Variants in HS6ST3 observed in about 807,000 individuals in gnomAD.
The protein encoded by HS6ST3 is heparan sulfate 6-O-sulfotransferase 3, also known as heparan-sulfate 6-O-sulfotransferase 3.
In HS6ST3, 12 loss-of-function variants were observed where a neutral mutation model predicts 36.7. The ratio of observed to expected loss-of-function variants is 0.33; its 90% confidence interval spans 0.21 to 0.53. The LOEUF is 0.53. HS6ST3 is among the 20% of genes least tolerant of loss of function. HS6ST3 has a pLI of 0.95. For missense variants in HS6ST3, 584 were observed against 640.9 expected (o/e 0.91, Z 0.96); for synonymous variants, 240 against 257.5 (o/e 0.93, Z 0.65).
chr13:96,153,293 T>C (rs9525135), intron 1 of HS6ST3, among the ~76,000 whole-genome samples: 43,806 of 152,094 alleles, frequency 0.29, 7,290 homozygotes, highest in Non-Finnish European at 0.37. Flanking sequence ...GAGAGTGATG[T>C]AGAGTTCAGA....
chr13:96,151,504 G>A (rs953541862), intron 1 of HS6ST3, among the ~76,000 whole-genome samples: 4 of 152,022 alleles, frequency 2.6e-5, no homozygotes, highest in Non-Finnish European at 5.9e-5. Flanking sequence ...ATGGATATAC[G>A]CACAGTGTCA....
chr13:96,406,006 A>G (rs1231771690), intron 1 of HS6ST3, among the ~76,000 whole-genome samples: 3 of 152,192 alleles, frequency 2.0e-5, no homozygotes, highest in African/African-American at 7.2e-5. Flanking sequence ...AATGCTTTTT[A>G]TTCTAATTCA....
chr13:96,160,655 A>G (rs1034303956), intron 1 of HS6ST3, among the ~76,000 whole-genome samples: 1 of 152,348 alleles, frequency 6.6e-6, no homozygotes. Context: ...AAATGAGAAT[A>G]ACAACAGCTT....
At chr13:96,566,239 T>C (rs562180191) in intron 1 of HS6ST3, among the ~76,000 whole-genome samples, 4 of 152,180 alleles carry the variant, frequency 2.6e-5, no homozygotes, top group South Asian at 2.1e-4. Context: ...ATTCGGTTGA[T>C]AGAAGTTGCA....
chr13:96,144,392 G>A (rs684902), intron 1 of HS6ST3, among the ~76,000 whole-genome samples: 125,044 of 151,994 alleles, frequency 0.82, 51,773 homozygotes, highest in East Asian at 0.91. Context: ...ATTCTATGAA[G>A]TTAGTATCCC....
At chr13:96,527,100 G>GT (rs960945757) in intron 1 of HS6ST3, among the ~76,000 whole-genome samples, 3 of 148,094 alleles carry the variant, frequency 2.0e-5, no homozygotes, top group South Asian at 2.1e-4. Context: ...TTTTTTTATT[G>GT]TTTTTTTAGA....
chr13:96,626,505 T>G (rs1426681163), intron 1 of HS6ST3, among the ~76,000 whole-genome samples: 1 of 152,216 alleles, frequency 6.6e-6, no homozygotes, highest in Non-Finnish European at 1.5e-5. Context: ...ACTGTCTTCT[T>G]ATATAACACA....
At chr13:96,345,590 A>G (rs1407653843) in intron 1 of HS6ST3, among the ~76,000 whole-genome samples, 1 of 152,176 alleles carries the variant, frequency 6.6e-6, no homozygotes, top group African/African-American at 2.4e-5. Flanking sequence ...ATCGTACCAC[A>G]TTGTTTGTGG....
intron 1 of HS6ST3, among the ~76,000 whole-genome samples, chr13:96,506,975 A>G (rs1447342742): frequency 6.6e-6 from 1 of 152,160 alleles, no homozygotes; most frequent in African/African-American, 2.4e-5. Context: ...GTTCTTACAA[A>G]TATTGTGTGC....
At chr13:96,465,123 T>C (rs1318225490) in intron 1 of HS6ST3, among the ~76,000 whole-genome samples, 2 of 152,162 alleles carry the variant, frequency 1.3e-5, no homozygotes, top group Non-Finnish European at 2.9e-5. Flanking sequence ...AGGTTGTAGA[T>C]GGGGACGCTT....
chr13:96,090,873 G>A lies in HS6ST3; in HGVS notation c.11G>A (p.Arg4Lys), dbSNP rs767415756. Residue 4 changes from arginine to lysine, a missense_variant, in exon 1 of 2, where the codon AGG becomes AAG. Transcript: ENST00000376705. MDE[R>K]FNKWLLTPVL... is the part of the protein sequence containing the mutation. ...CCTGAGAGCGGGACCATGGATGAAA[G>A]GTTCAACAAGTGGCTGCTGACGCCG... is the stretch of plus-strand genomic sequence containing the variant. The A allele has an allele frequency of 1.3e-6, 2 of 1,510,458 alleles. No homozygotes were observed. Among genetic ancestry groups the A allele is most frequent in the South Asian group, 2.4e-5 (2 of 84,148 alleles). 93.6% of individuals were successfully genotyped at this position (1,510,458 alleles called of 1,614,324 possible).
At chr13:96,798,820 T>C (rs764523914) in intron 1 of HS6ST3, among the ~76,000 whole-genome samples, 24 of 152,112 alleles carry the variant, frequency 1.6e-4, no homozygotes, top group Admixed American at 9.2e-4. Context: ...TTTATTTTCT[T>C]ACCATTCTGG....
intron 1 of HS6ST3, among the ~76,000 whole-genome samples, chr13:96,407,657 T>C (rs2055485735): frequency 6.6e-6 from 1 of 152,220 alleles, no homozygotes; most frequent in South Asian, 2.1e-4. Flanking sequence ...TGCTGGGTGC[T>C]GTGGGACATG....
In HS6ST3 at chr13:96,112,578, AATATATATATAT is replaced by A. The variant is rs59107741; in HGVS notation, c.707+21042_707+21053del. Among the ~76,000 whole-genome samples the A allele has an allele frequency of 5.8e-3, 471 of 81,208 alleles. 32 individuals carry two copies. Among genetic ancestry groups the A allele is most frequent in the South Asian group, 0.045 (102 of 2,244 alleles). The allele number at this position is 81,208 out of a possible 152,430, so 53.3% of individuals were successfully genotyped here. A position where few individuals can be genotyped will look rare whatever the true frequency, so the allele number is the denominator to read the frequency against. ...TAAAACCCCATCTCTAAAATAAATA[AATATATATATAT>A]ATATATATATATATATATATATATA... On this transcript the variant is annotated intron_variant, in intron 1 of 1. Coordinates refer to ENST00000376705, the MANE Select transcript of HS6ST3 (RefSeq NM_153456.4).
At chr13:96,822,700 T>C (rs77795392) in intron 1 of HS6ST3, among the ~76,000 whole-genome samples, 2,112 of 152,324 alleles carry the variant, frequency 0.014, 52 homozygotes, top group African/African-American at 0.048. Flanking sequence ...TGCTTTTGTT[T>C]GGTTTGTTTT....
At chr13:96,663,539 A>G (rs1163946496) in intron 1 of HS6ST3, among the ~76,000 whole-genome samples, 1 of 152,188 alleles carries the variant, frequency 6.6e-6, no homozygotes, top group Non-Finnish European at 1.5e-5. Context: ...TGAAACTATC[A>G]TCCATTTTTA....
At chr13:96,642,311 G>A (rs1197923697) in intron 1 of HS6ST3, among the ~76,000 whole-genome samples, 1 of 151,590 alleles carries the variant, frequency 6.6e-6, no homozygotes, top group African/African-American at 2.4e-5. Context: ...ACTATTCTCT[G>A]TTCATCACTA....
chr13:96,310,905 T>G (rs1459947763), intron 1 of HS6ST3, among the ~76,000 whole-genome samples: 1 of 152,202 alleles, frequency 6.6e-6, no homozygotes, highest in Non-Finnish European at 1.5e-5. Context: ...TGTTGCTTCC[T>G]ACTACACCTG....
chr13:96,388,212 C>T (rs775779482), intron 1 of HS6ST3, among the ~76,000 whole-genome samples: 101 of 152,100 alleles, frequency 6.6e-4, no homozygotes, highest in Non-Finnish European at 8.7e-4. Context: ...TATGGCTATC[C>T]AGAATGAATC....
Sources: allele counts gnomAD v4.1 joint callset (sites outside exome capture counted in the v4.1 genomes callset), GRCh38; gene constraint gnomAD v4.1.1; transcripts MANE v1.5; gene names NCBI Gene and HGNC (gene_info 2026-07-23, HGNC 2026-07-21).